Variants in PPP6R2 observed in about 807,000 individuals in gnomAD.
PPP6R2 encodes serine/threonine-protein phosphatase 6 regulatory subunit 2.
In PPP6R2, 62 loss-of-function variants were observed where a neutral mutation model predicts 100.2. The ratio of observed to expected loss-of-function variants is 0.62; its 90% CI spans 0.50 to 0.76. The LOEUF is 0.76. Among genes scored for constraint, PPP6R2 ranks in the 30% least tolerant of loss-of-function variants. The probability of loss-of-function intolerance (pLI) is 0.00; values close to 1 mark genes in which losing one functional copy is unlikely to be tolerated. For missense variants in PPP6R2, 1,142 were observed against 1,276.3 expected, an observed-to-expected ratio of 0.89 and a Z score of 1.60; for synonymous variants, 525 against 514.7, an observed-to-expected ratio of 1.02 and a Z score of -0.27.
intron 12 of PPP6R2, among the ~76,000 whole-genome samples, chr22:50,433,025 T>C (rs1392616925): frequency 6.6e-6 from 1 of 152,178 alleles, no homozygotes; most frequent in Non-Finnish European, 1.5e-5. Context: ...CCTTTCTGCC[T>C]CCATTTCCCT....
chr22:50,336,279 C>T, the PPP6R2 span, among the ~76,000 whole-genome samples: 95 of 152,320 alleles, frequency 6.2e-4, no homozygotes, highest in Non-Finnish European at 4.0e-4. Flanking sequence ...TGAGTCACCG[C>T]GTCCAGCCTG....
intron 3 of PPP6R2, among the ~76,000 whole-genome samples, chr22:50,405,691 G>A (rs1315613310): frequency 3.1e-5 from 3 of 95,370 alleles, no homozygotes; most frequent in Admixed American, 9.5e-5. Flanking sequence ...GGCCTGGCAG[G>A]CGAGTGTGAA....
intron 2 of PPP6R2, among the ~76,000 whole-genome samples, chr22:50,374,979 G>A (rs890950051): frequency 2.7e-5 from 4 of 149,872 alleles, no homozygotes; most frequent in African/African-American, 9.9e-5. Flanking sequence ...AAATCGTATA[G>A]CACCAAAGAC....
chr22:50,385,339 ACACG>A (rs1417679043), intron 2 of PPP6R2, among the ~76,000 whole-genome samples: 1 of 146,210 alleles, frequency 6.8e-6, no homozygotes, highest in Non-Finnish European at 1.5e-5. Context: ...GGGATTACAG[ACACG>A]CACTGCCATC....
chr22:50,369,250 A>AG (rs1555981810), intron 1 of PPP6R2, among the ~76,000 whole-genome samples: 1 of 151,710 alleles, frequency 6.6e-6, no homozygotes. Context: ...AAAAAAAAAA[A>AG]GAAAACACAT....
chr22:50,417,793 G>T (rs7410465), intron 6 of PPP6R2, among the ~76,000 whole-genome samples: 50,977 of 152,016 alleles, frequency 0.34, 9,127 homozygotes, highest in East Asian at 0.67. Context: ...TGATGGCCTG[G>T]CCTGGGTCCC....
At chr22:50,355,933 T>C (rs966158651) in intron 1 of PPP6R2, among the ~76,000 whole-genome samples, 1 of 151,542 alleles carries the variant, frequency 6.6e-6, no homozygotes, top group Non-Finnish European at 1.5e-5. Flanking sequence ...ATGGGGTACA[T>C]AGTGATGTTT....
intron 10 of PPP6R2, among the ~76,000 whole-genome samples, chr22:50,430,687 A>G (rs1156961203): frequency 1.3e-5 from 2 of 152,150 alleles, no homozygotes; most frequent in African/African-American, 2.4e-5. Flanking sequence ...CAGCCTGACC[A>G]ACATGGCAAA....
chr22:50,343,285 A>T (rs1371031026), upstream of PPP6R2: 1 of 146,024 alleles, frequency 6.8e-6, no homozygotes, highest in Admixed American at 6.9e-5. Flanking sequence ...TGCGCGCCCC[A>T]AGCGGAGACC....
At chr22:50,418,766 G>A in intron 6 of PPP6R2, 101 bp from the exon 7 acceptor site, 1 of 854,826 alleles carries the variant, frequency 1.2e-6, no homozygotes, top group South Asian at 1.5e-5. Flanking sequence ...TCTAGCATCT[G>A]CCAGAGAAGC....
At chr22:50,380,587 C>T (rs2148661134) in intron 2 of PPP6R2, among the ~76,000 whole-genome samples, 1 of 151,616 alleles carries the variant, frequency 6.6e-6, no homozygotes, top group African/African-American at 2.4e-5. Context: ...TCTCGAACTC[C>T]TGACCTCGTG....
chr22:50,356,912 C>T (rs140922826), intron 1 of PPP6R2, among the ~76,000 whole-genome samples: 2 of 150,990 alleles, frequency 1.3e-5, no homozygotes, highest in African/African-American at 4.9e-5. Flanking sequence ...CCAGCTTGGG[C>T]GACAGAGGGA....
intron 21 of PPP6R2, 95 bp downstream of exon 21, chr22:50,440,144 C>G: frequency 1.7e-6 from 2 of 1,182,928 alleles, no homozygotes; most frequent in Non-Finnish European, 1.2e-6. Context: ...GAGGAGGTGG[C>G]CGGGGCCTCG....
intron 19 of PPP6R2, among the ~76,000 whole-genome samples, chr22:50,439,221 T>G (rs533376907): frequency 5.8e-4 from 88 of 152,296 alleles, no homozygotes; most frequent in African/African-American, 2.1e-3. Flanking sequence ...AGGACTTTGG[T>G]GGCGGGGGCA....
chr22:50,385,945 TC>T (rs1159184931), intron 2 of PPP6R2, among the ~76,000 whole-genome samples: 1 of 142,336 alleles, frequency 7.0e-6, no homozygotes, highest in Non-Finnish European at 1.5e-5. Context: ...TGCCTCAGCC[TC>T]CCGAGTAGCT....
the PPP6R2 span, among the ~76,000 whole-genome samples, chr22:50,332,434 G>A: frequency 6.6e-6 from 1 of 151,206 alleles, no homozygotes; most frequent in Non-Finnish European, 1.5e-5. Context: ...GTTTCACTGT[G>A]TTAGCCAGGA....
Position 50,431,233 on chromosome 22 carries a change from G to T in PPP6R2, c.1186G>T (p.Ala396Ser), listed in dbSNP as rs1352989390. The T allele has an allele frequency of 6.2e-7, 1 of 1,613,900 alleles. No homozygotes were observed. Among genetic ancestry groups the T allele is most frequent in the East Asian group, 2.2e-5 (1 of 44,882 alleles). Reference sequence around the variant, plus strand: ...GCACTTCCAAGTGGAACTATGCATAGCCGCTATTCTCTCCCACGCTGCCCG... The same window carrying T: ...GCACTTCCAAGTGGAACTATGCATATCCGCTATTCTCTCCCACGCTGCCCG... ...FLHFQVELCI[A>S]AILSHAAREE... The change falls in exon 11 of 24, where the codon GCC (alanine) becomes TCC (serine). Residue 396 changes from alanine to serine, a missense_variant. Ala to Ser is a moderately conservative substitution (Grantham distance 99). This residue lies in a region of PPP6R2 where 592 missense variants were observed against 758.9 expected (regional missense o/e 0.78). Transcript: ENST00000612753. The surrounding 1 kb of genome is among the most constrained non-coding windows in gnomAD (Gnocchi z 4.8).
intron 15 of PPP6R2, 90 bp downstream of exon 15, chr22:50,437,158 T>C (rs2064501905): frequency 3.2e-6 from 4 of 1,269,480 alleles, no homozygotes; most frequent in South Asian, 2.6e-5. Context: ...TCTGATGGCA[T>C]CTCACTAGCA....
chr22:50,432,227 G>C, intron 11 of PPP6R2, 38 bp from the exon 12 acceptor site: 1 of 1,534,578 alleles, frequency 6.5e-7, no homozygotes. Context: ...GCCGCCTTCA[G>C]ACCCTGACTC....
Sources: allele counts gnomAD v4.1 joint callset (sites outside exome capture counted in the v4.1 genomes callset), GRCh38; gene constraint gnomAD v4.1.1; regional missense constraint gnomAD v4.1.1; non-coding constraint Gnocchi (gnomAD v3.1); transcripts MANE v1.5; gene names NCBI Gene and HGNC (gene_info 2026-07-23, HGNC 2026-07-21).